CWF19L2: variants seen among roughly 807,000 people sequenced by gnomAD.
The protein encoded by CWF19L2 is CWF19 like cell cycle control factor 2.
A neutral mutation model predicts 111.7 loss-of-function variants in CWF19L2; 98 were observed. The ratio of observed to expected loss-of-function variants is 0.88; its 90% CI spans 0.75 to 1.04. The LOEUF is 1.04. Ranked by LOEUF, CWF19L2 falls within the 50% of genes least tolerant of loss-of-function variation. The pLI, the probability that CWF19L2 is intolerant of heterozygous loss-of-function variation, is 0.00. For missense variants in CWF19L2, 1,101 were observed against 1,051.4 expected (o/e 1.05, Z -0.65); for synonymous variants, 351 against 342.9 (o/e 1.02, Z -0.26).
intron 12 of CWF19L2, among the ~76,000 whole-genome samples, chr11:107,357,831 T>G (rs1198273733): frequency 3.3e-5 from 5 of 152,206 alleles, no homozygotes; most frequent in African/African-American, 1.2e-4. Context: ...ACAATCAACA[T>G]TTTTTAACAG....
At chr11:107,342,177 A>G (rs1482947468) in intron 14 of CWF19L2, among the ~76,000 whole-genome samples, 1 of 151,972 alleles carries the variant, frequency 6.6e-6, no homozygotes, top group Non-Finnish European at 1.5e-5. Context: ...ATTTAGTGCT[A>G]TAAATTTCTC....
chr11:107,357,472 A>C (rs1383594571), intron 12 of CWF19L2, among the ~76,000 whole-genome samples: 4 of 152,228 alleles, frequency 2.6e-5, no homozygotes, highest in Non-Finnish European at 5.9e-5. Flanking sequence ...TTCATAAATG[A>C]TCACAGAAAA....
At chr11:107,359,521 C>T (rs908968352) in intron 12 of CWF19L2, among the ~76,000 whole-genome samples, 1 of 152,280 alleles carries the variant, frequency 6.6e-6, no homozygotes, top group Admixed American at 6.5e-5. Context: ...AGGGAAAAAA[C>T]AGGAGTGACT....
At chr11:107,403,253 T>TA (rs144546078) in intron 10 of CWF19L2, among the ~76,000 whole-genome samples, 2,618 of 151,676 alleles carry the variant, frequency 0.017, 77 homozygotes, top group African/African-American at 0.058. Context: ...AAATTAAAAT[T>TA]AAAAAAAACT....
rs77942362 is a variant in CWF19L2, at chr11:107,426,608, G to A, written c.1433+2191C>T. Among the ~76,000 whole-genome samples, 1,365 of 151,750 alleles carry A rather than the reference G, an allele frequency of 9.0e-3. 18 individuals are homozygous for A. The highest frequency in any genetic ancestry group is 0.031 in the African/African-American group (1,290 of 41,464). On this transcript the variant is annotated intron_variant, in intron 8 of 17. Transcript: ENST00000282251. The stretch of plus-strand genomic sequence containing the variant: ...GTGAAAAATATTAGGTTATGCCTAA[G>A]TTTTACAATGGAGTATTAAAGAGCC...
At chr11:107,341,519 T>C (rs772340676) in intron 14 of CWF19L2, among the ~76,000 whole-genome samples, 2 of 152,170 alleles carry the variant, frequency 1.3e-5, no homozygotes, top group Non-Finnish European at 2.9e-5. Flanking sequence ...TTTACATCTC[T>C]ATTCACATAG....
intron 14 of CWF19L2, 104 bp from the exon 15 acceptor site, chr11:107,336,817 A>T: frequency 1.6e-6 from 1 of 639,592 alleles, no homozygotes; most frequent in Non-Finnish European, 2.5e-6. Context: ...AAAAGTACAA[A>T]TCCCTTTAAA....
chr11:107,430,451 A>G (rs1861449872), intron 7 of CWF19L2, among the ~76,000 whole-genome samples: 1 of 152,296 alleles, frequency 6.6e-6, no homozygotes, highest in East Asian at 1.9e-4. Context: ...GGTATGGGCC[A>G]AAGAAAATCA....
chr11:107,364,663 C>T (rs1860410867), intron 12 of CWF19L2, among the ~76,000 whole-genome samples: 1 of 123,740 alleles, frequency 8.1e-6, no homozygotes, highest in African/African-American at 3.7e-5. Flanking sequence ...CTCTGGGACG[C>T]ATTCAAAGCA....
At chr11:107,406,623 G>A (rs1015995723) in intron 10 of CWF19L2, among the ~76,000 whole-genome samples, 1 of 149,906 alleles carries the variant, frequency 6.7e-6, no homozygotes, top group Non-Finnish European at 1.5e-5. Flanking sequence ...TTTTAAAAAT[G>A]TTTTTAAATT....
chr11:107,428,601 TA>T (rs35070417), intron 8 of CWF19L2, among the ~76,000 whole-genome samples, 197 bp downstream of exon 8: 4,294 of 144,968 alleles, frequency 0.03, 106 homozygotes, highest in East Asian at 0.11. Flanking sequence ...TTTCAGCTCT[TA>T]AAAAAAAAAA....
At chr11:107,393,138 T>A (rs1860873284) in intron 10 of CWF19L2, among the ~76,000 whole-genome samples, 1 of 152,110 alleles carries the variant, frequency 6.6e-6, no homozygotes, top group Non-Finnish European at 1.5e-5. Context: ...GAAGAAAATT[T>A]CAAATAAAAT....
Position 107,371,013 on chromosome 11 carries a change from T to TC in CWF19L2, c.1873-17278_1873-17277insG, listed in dbSNP as rs1491276372. On this transcript the variant is annotated intron_variant, in intron 12 of 17. Transcript: ENST00000282251. The stretch of plus-strand genomic sequence containing the variant: ...ACGATGTTAAGATTTCTAGTTTCTC[T>TC]TTTTTTTTTTTTTTTTTTGAGACGG... 1.6e-4 allele frequency among the ~76,000 whole-genome samples: 6 copies of TC among 37,360 alleles called. 1 individual carries two copies. Among genetic ancestry groups the TC allele is most frequent in the Non-Finnish European group, 2.9e-4 (5 of 17,206 alleles). 24.5% of individuals were successfully genotyped at this position (37,360 alleles called of 152,430 possible).
At chr11:107,408,212 G>C (rs968689659) in intron 10 of CWF19L2, among the ~76,000 whole-genome samples, 8 of 151,860 alleles carry the variant, frequency 5.3e-5, no homozygotes, top group African/African-American at 1.9e-4. Context: ...AATCTTATTT[G>C]TATGTTCTCT....
chr11:107,407,419 A>G (rs541239021), intron 10 of CWF19L2, among the ~76,000 whole-genome samples: 1 of 152,144 alleles, frequency 6.6e-6, no homozygotes, highest in South Asian at 2.1e-4. Flanking sequence ...AAAATTCTGG[A>G]AACAGAACAT....
intron 12 of CWF19L2, among the ~76,000 whole-genome samples, chr11:107,356,768 T>C (rs1218987157): frequency 2.0e-5 from 3 of 152,238 alleles, no homozygotes; most frequent in African/African-American, 7.2e-5. Context: ...CCAGGCACAG[T>C]GGCTCATGCC....
At chr11:107,343,872 C>T (rs1860040889) in intron 14 of CWF19L2, among the ~76,000 whole-genome samples, 1 of 152,078 alleles carries the variant, frequency 6.6e-6, no homozygotes. Flanking sequence ...ATTTACTCTC[C>T]CTCAGTTAGA....
chr11:107,412,121 T>C (rs1253060414), intron 10 of CWF19L2, among the ~76,000 whole-genome samples: 1 of 152,158 alleles, frequency 6.6e-6, no homozygotes, highest in African/African-American at 2.4e-5. Context: ...AGGAATCCCC[T>C]GAAGTCCAGC....
intron 17 of CWF19L2, 106 bp downstream of exon 17, chr11:107,329,812 A>T (rs1268977572): frequency 4.2e-6 from 3 of 708,518 alleles, no homozygotes; most frequent in Non-Finnish European, 7.0e-6. Flanking sequence ...GTGGAGCAGT[A>T]CTCACCAATT....
Sources: gnomAD v4.1 joint callset for allele counts (sites outside exome capture counted in the v4.1 genomes callset) on GRCh38, gnomAD v4.1.1 for gene constraint, MANE v1.5 for transcripts, NCBI Gene and HGNC (gene_info 2026-07-23, HGNC 2026-07-21) for gene names.